The following STIL variants were observed in gnomAD, a reference collection of about 807,000 sequenced individuals.
STIL encodes SCL-interrupting locus protein.
Under a neutral mutation model 110.1 loss-of-function variants are expected in STIL, and 55 were observed. That is an observed-to-expected ratio of 0.50 (90% CI 0.40 to 0.63). STIL has a LOEUF of 0.63. Among genes scored for constraint, STIL ranks in the 20% least tolerant of loss-of-function variants. STIL has a pLI of 0.00. For synonymous variants in STIL, 481 were observed against 530.0 expected, an observed-to-expected ratio of 0.91 and a Z score of 1.27; for missense variants, 1,358 against 1,530.0, an observed-to-expected ratio of 0.89 and a Z score of 1.87.
intron 12 of STIL, among the ~76,000 whole-genome samples, chr1:47,275,324 T>C (rs1353845747): frequency 6.6e-6 from 1 of 151,892 alleles, no homozygotes; most frequent in Non-Finnish European, 1.5e-5. Flanking sequence ...AAGATTTTTT[T>C]TTTGCTGGGC....
intron 5 of STIL, among the ~76,000 whole-genome samples, chr1:47,301,346 C>T (rs1645798482): frequency 6.6e-6 from 1 of 152,164 alleles, no homozygotes; most frequent in African/African-American, 2.4e-5. Context: ...CTTGAACTTT[C>T]TTATCTCGGT....
chr1:47,271,290 T>C (rs183390404), intron 13 of STIL, among the ~76,000 whole-genome samples: 323 of 152,276 alleles, frequency 2.1e-3, no homozygotes, highest in African/African-American at 7.5e-3. Context: ...AAAAGTAGCC[T>C]GGGCACAGTG....
intron 8 of STIL, among the ~76,000 whole-genome samples, chr1:47,291,126 A>G (rs1454866218): frequency 6.6e-6 from 1 of 152,158 alleles, no homozygotes; most frequent in Non-Finnish European, 1.5e-5. Context: ...TTGGGAGGCC[A>G]AGGCAGGCAG....
chr1:47,306,520 CTGGGAT>C (rs1645965930), intron 2 of STIL, among the ~76,000 whole-genome samples: 2 of 152,182 alleles, frequency 1.3e-5, no homozygotes, highest in South Asian at 4.1e-4. Context: ...TCCCAAAGCA[CTGGGAT>C]TATAGGCATG....
chr1:47,287,969 C>T (rs1645353472), intron 9 of STIL, among the ~76,000 whole-genome samples: 1 of 149,560 alleles, frequency 6.7e-6, no homozygotes, highest in Non-Finnish European at 1.5e-5. Flanking sequence ...AATACAAAAA[C>T]TTTATAGCTT....
chr1:47,313,893 C>T (rs1646212871), intron 1 of STIL, 143 bp downstream of exon 1: 1 of 152,324 alleles, frequency 6.6e-6, no homozygotes. Context: ...CTTAATTTCT[C>T]CCACTAGCTC....
intron 2 of STIL, among the ~76,000 whole-genome samples, chr1:47,306,047 A>G (rs1402068017): frequency 6.6e-6 from 1 of 152,058 alleles, no homozygotes; most frequent in Non-Finnish European, 1.5e-5. Context: ...ATATTTTTTA[A>G]AAAAGAAAAT....
At chr1:47,284,382 G>A (rs1004003078) in intron 10 of STIL, among the ~76,000 whole-genome samples, 9 of 152,142 alleles carry the variant, frequency 5.9e-5, no homozygotes, top group Admixed American at 5.9e-4. Flanking sequence ...TTGAAGCCGG[G>A]TTTCACTCTA....
chr1:47,290,068 A>G (rs11802603), intron 8 of STIL, among the ~76,000 whole-genome samples: 10,498 of 152,242 alleles, frequency 0.069, 1,195 homozygotes, highest in African/African-American at 0.24. Context: ...AATCATAGCA[A>G]AGGATCTAAA....
chr1:47,263,822 G>A (rs1238417901), intron 14 of STIL, among the ~76,000 whole-genome samples: 3 of 138,664 alleles, frequency 2.2e-5, no homozygotes, highest in African/African-American at 5.7e-5. Context: ...GCGTCATCTC[G>A]GCTGACTGTA....
upstream of STIL, among the ~76,000 whole-genome samples, chr1:47,314,650 C>T (rs1646235326): frequency 1.3e-5 from 2 of 151,838 alleles, no homozygotes; most frequent in African/African-American, 2.4e-5. Flanking sequence ...TTTAATTTTT[C>T]CTTTTTGTGA....
At chr1:47,280,200 A>G in intron 12 of STIL, 41 bp downstream of exon 12, 1 of 1,613,538 alleles carries the variant, frequency 6.2e-7, no homozygotes, top group South Asian at 1.1e-5. Context: ...AGAAATCTTA[A>G]TACCAAGAAA....
At chr1:47,273,169 G>A (rs1644890335) in intron 12 of STIL, among the ~76,000 whole-genome samples, 1 of 152,116 alleles carries the variant, frequency 6.6e-6, no homozygotes, top group Non-Finnish European at 1.5e-5. Context: ...GAAAGCTGAG[G>A]TTCAAACACC....
intron 6 of STIL, among the ~76,000 whole-genome samples, chr1:47,296,960 G>GT (rs1287382097): frequency 2.0e-5 from 3 of 152,202 alleles, no homozygotes; most frequent in Non-Finnish European, 4.4e-5. Flanking sequence ...CTGAGTTGGC[G>GT]TAAGATTTAC....
chr1:47,299,991 C>A lies in STIL; in HGVS notation c.615G>T (p.Lys205Asn). The A allele has an allele frequency of 6.2e-7, 1 of 1,614,110 alleles. No homozygotes were observed. Among genetic ancestry groups the A allele is most frequent in the Non-Finnish European group, 8.5e-7 (1 of 1,179,988 alleles). ...LANNFKCTPVKPIPIIPTALA... is the reference protein window; with the variant it reads ...LANNFKCTPVNPIPIIPTALA... ...GAGCTGTTGGAATAATGGGGATGGG[C>A]TTCACAGGTGTGCATTTAAAGTTAT... is the stretch of plus-strand genomic sequence containing the variant. The change falls in exon 6 of 17, where the codon AAG becomes AAT. Residue 205 changes from lysine to asparagine, a missense_variant. By Grantham distance (94) the Lys-to-Asn change is moderately conservative. Transcript: ENST00000371877.
intron 13 of STIL, among the ~76,000 whole-genome samples, chr1:47,271,081 C>A (rs761149355): frequency 5.9e-5 from 9 of 151,862 alleles, no homozygotes; most frequent in Non-Finnish European, 8.8e-5. Flanking sequence ...TTTTACTGAG[C>A]CTCATTATTT....
chr1:47,281,726 G>A (rs1255201050), intron 11 of STIL, among the ~76,000 whole-genome samples: 1 of 152,022 alleles, frequency 6.6e-6, no homozygotes, highest in East Asian at 1.9e-4. Flanking sequence ...GCAAAAAAGA[G>A]TAAACAAAAT....
intron 3 of STIL, among the ~76,000 whole-genome samples, chr1:47,303,649 G>A (rs1006609484): frequency 3.3e-5 from 5 of 151,910 alleles, no homozygotes; most frequent in Non-Finnish European, 7.4e-5. Flanking sequence ...GAAAAACAAA[G>A]GAAACTACTC....
chr1:47,253,858 CA>C (rs1362685382), intron 16 of STIL, among the ~76,000 whole-genome samples: 1 of 151,940 alleles, frequency 6.6e-6, no homozygotes, highest in African/African-American at 2.4e-5. Context: ...CTGAAATTCG[CA>C]AAAAACTATT....
Sources: gnomAD v4.1 joint callset for allele counts (sites outside exome capture counted in the v4.1 genomes callset) on GRCh38, gnomAD v4.1.1 for gene constraint, MANE v1.5 for transcripts, NCBI Gene and HGNC (gene_info 2026-07-23, HGNC 2026-07-21) for gene names.